The following CNTN4 variants were observed in gnomAD, a reference collection of about 807,000 sequenced individuals.
CNTN4 encodes the protein contactin 4.
CNTN4 carries 77 observed loss-of-function variants against 122.5 expected under a neutral mutation model. That is an observed-to-expected ratio of 0.63 (90% CI 0.52 to 0.76). The LOEUF is 0.76. Among genes scored for constraint, CNTN4 ranks in the 30% least tolerant of loss-of-function variants. The pLI is 0.00. For synonymous variants in CNTN4, 512 were observed against 447.0 expected (o/e 1.15, Z -1.83); for missense variants, 1,256 against 1,259.1 (o/e 1.00, Z 0.04).
chr3:2,472,749 C>T (rs2075723578), intron 3 of CNTN4, among the ~76,000 whole-genome samples: 1 of 152,182 alleles, frequency 6.6e-6, no homozygotes, highest in South Asian at 2.1e-4. Context: ...CCCAGAAAAA[C>T]ATTTGACATT....
At chr3:3,021,354 TC>T (rs1241024125) in intron 14 of CNTN4, among the ~76,000 whole-genome samples, 3 of 152,208 alleles carry the variant, frequency 2.0e-5, no homozygotes, top group Non-Finnish European at 4.4e-5. Flanking sequence ...ATTATTGTCA[TC>T]ATTAATCAAC....
intron 10 of CNTN4, among the ~76,000 whole-genome samples, chr3:2,891,152 A>C (rs753328612): frequency 2.0e-4 from 31 of 152,178 alleles, no homozygotes; most frequent in Admixed American, 1.0e-3. Flanking sequence ...TTTTTTGGTA[A>C]GAGTGATAAA....
intron 2 of CNTN4, among the ~76,000 whole-genome samples, chr3:2,304,347 AAATT>A (rs1218730925): frequency 1.3e-5 from 2 of 152,174 alleles, no homozygotes; most frequent in African/African-American, 2.4e-5. Context: ...CTTAAGAATG[AAATT>A]AATTACACGT....
chr3:2,768,019 G>A (rs901028679), intron 6 of CNTN4, among the ~76,000 whole-genome samples: 1 of 152,208 alleles, frequency 6.6e-6, no homozygotes, highest in Non-Finnish European at 1.5e-5. Flanking sequence ...ACATTTGGTT[G>A]AGGCTTTTAA....
chr3:2,111,780 C>T (rs1419546583), intron 2 of CNTN4, among the ~76,000 whole-genome samples: 1 of 152,092 alleles, frequency 6.6e-6, no homozygotes, highest in Non-Finnish European at 1.5e-5. Context: ...TGTATATACA[C>T]ATAGCCTTGT....
At chr3:2,949,689 C>T (rs1167743784) in intron 13 of CNTN4, among the ~76,000 whole-genome samples, 2 of 152,198 alleles carry the variant, frequency 1.3e-5, no homozygotes, top group African/African-American at 4.8e-5. Flanking sequence ...GGTTGCTGTC[C>T]TTTCCAAGCC....
intron 3 of CNTN4, among the ~76,000 whole-genome samples, chr3:2,429,960 C>A (rs2048000010): frequency 1.3e-5 from 2 of 152,146 alleles, no homozygotes; most frequent in African/African-American, 2.4e-5. Flanking sequence ...TTCCAGGTGC[C>A]ATCTGTCACG....
At chr3:2,782,396 G>C (rs1219414464) in intron 6 of CNTN4, among the ~76,000 whole-genome samples, 2 of 151,728 alleles carry the variant, frequency 1.3e-5, no homozygotes, top group African/African-American at 2.4e-5. Context: ...TTTCACTAAA[G>C]AGCTTCCTAG....
intron 13 of CNTN4, among the ~76,000 whole-genome samples, chr3:2,961,272 A>C (rs1301175813): frequency 6.8e-6 from 1 of 148,116 alleles, no homozygotes; most frequent in African/African-American, 2.5e-5. Context: ...TATTGAATGA[A>C]GAGGAGACAA....
chr3:2,948,286 A>G (rs1013238187), intron 13 of CNTN4, among the ~76,000 whole-genome samples: 4 of 152,192 alleles, frequency 2.6e-5, no homozygotes, highest in African/African-American at 9.7e-5. Context: ...TGTGATCTAC[A>G]AACCTACAAT....
chr3:2,924,956 T>C (rs1418812114), intron 12 of CNTN4, among the ~76,000 whole-genome samples: 1 of 152,120 alleles, frequency 6.6e-6, no homozygotes, highest in African/African-American at 2.4e-5. Context: ...AAAAAAATCT[T>C]ATGGCGTTCC....
intron 3 of CNTN4, among the ~76,000 whole-genome samples, chr3:2,430,992 G>A (rs2048047670): frequency 6.6e-6 from 1 of 152,094 alleles, no homozygotes; most frequent in South Asian, 2.1e-4. Context: ...AATAAATGGA[G>A]CATTGCATCC....
Position 2,571,577 on chromosome 3 carries a change from A to C in CNTN4, c.55+19A>C. The C allele has an allele frequency of 6.3e-7, 1 of 1,596,842 alleles. No homozygotes were observed. Among genetic ancestry groups the C allele is most frequent in the Non-Finnish European group, 8.6e-7 (1 of 1,164,376 alleles). ...CTTGCAGGTAGAGTGTCATTTTAAAACTTTTTGATTTAGAAATGCCACTGT... is the reference window on the plus strand; with the variant it reads ...CTTGCAGGTAGAGTGTCATTTTAAACCTTTTTGATTTAGAAATGCCACTGT... On this transcript the variant is annotated intron_variant, in intron 4 of 24. Transcript: ENST00000418658.
intron 6 of CNTN4, among the ~76,000 whole-genome samples, chr3:2,780,346 G>C (rs1308699597): frequency 6.6e-6 from 1 of 152,172 alleles, no homozygotes; most frequent in Non-Finnish European, 1.5e-5. Context: ...CTGTGGAATG[G>C]ATTCCTTGCC....
rs540546825 is a variant in CNTN4 at position 2,238,809 on chromosome 3, G to T, written c.-144-100369G>T. On this transcript the variant is annotated intron_variant, in intron 2 of 24. Transcript: ENST00000418658. ...GTGGCGCCATCTCGGCTCACTGCAA[G>T]CTCCGCCTCCCGGGTTCCCGCCATT... is the stretch of plus-strand genomic sequence containing the variant. 48 of 104,192 alleles carry T rather than the reference G, an allele frequency of 4.6e-4. 3 individuals are homozygous for T. The highest frequency in any genetic ancestry group is 1.5e-3 in the African/African-American group (45 of 30,850). 6.5% of individuals were successfully genotyped at this position (104,192 alleles called of 1,614,324 possible). A position where few individuals can be genotyped will look rare whatever the true frequency, so the allele number is the denominator to read the frequency against.
chr3:2,489,899 A>C (rs1439390539), intron 3 of CNTN4, among the ~76,000 whole-genome samples: 3 of 152,168 alleles, frequency 2.0e-5, no homozygotes, highest in Non-Finnish European at 2.9e-5. Context: ...CTTTACTCTG[A>C]AAAGGATGTA....
At chr3:2,539,358 A>G (rs1318966566) in intron 3 of CNTN4, among the ~76,000 whole-genome samples, 1 of 152,038 alleles carries the variant, frequency 6.6e-6, no homozygotes, top group Non-Finnish European at 1.5e-5. Flanking sequence ...ATCTTTCCCC[A>G]TTCCTGCAAC....
intron 2 of CNTN4, among the ~76,000 whole-genome samples, chr3:2,335,828 A>G (rs2150329893): frequency 6.6e-6 from 1 of 152,290 alleles, no homozygotes. Context: ...TTTTAAGATC[A>G]GTTATGAAAA....
In CNTN4 at chr3:2,587,799, CT is replaced by C. The variant is rs1444690543; in HGVS notation, c.55+16245del. On this transcript the variant is annotated intron_variant, in intron 4 of 24. Transcript: ENST00000418658. ...ATTTTTTTTCAGTTATTAGAAATTG[CT>C]TTTGAGTTTTAGTCTTTTTCTTTCT... Among the ~76,000 whole-genome samples, 6 of 151,678 alleles carry C rather than the reference CT, an allele frequency of 4.0e-5. No homozygotes were observed. In the East Asian group the frequency reaches 1.2e-3, roughly 29 times the overall value.
Sources: gnomAD v4.1 joint callset for allele counts (sites outside exome capture counted in the v4.1 genomes callset) on GRCh38, gnomAD v4.1.1 for gene constraint, MANE v1.5 for transcripts, NCBI Gene and HGNC (gene_info 2026-07-23, HGNC 2026-07-21) for gene names.